The following FRMPD1 variants were observed in gnomAD, a reference collection of about 807,000 sequenced individuals.
The protein encoded by FRMPD1 is FERM and PDZ domain-containing protein 1.
Under a neutral mutation model 117.8 loss-of-function variants are expected in FRMPD1, and 76 were observed. The ratio of observed to expected loss-of-function variants is 0.65; its 90% CI spans 0.54 to 0.78. The LOEUF (loss-of-function observed/expected upper bound fraction) is 0.78. Ranked by LOEUF, FRMPD1 falls within the 30% of genes least tolerant of loss-of-function variation. The probability of loss-of-function intolerance (pLI) is 0.00; values close to 1 mark genes in which losing one functional copy is unlikely to be tolerated. For missense variants in FRMPD1, 1,786 were observed against 1,964.5 expected (o/e 0.91, Z 1.72); for synonymous variants, 783 against 770.4 (o/e 1.02, Z -0.27).
chr9:37,725,696 C>T (rs1261377244), intron 7 of FRMPD1, among the ~76,000 whole-genome samples: 1 of 152,224 alleles, frequency 6.6e-6, no homozygotes, highest in East Asian at 1.9e-4. Context: ...GCTTCCTGGG[C>T]ACTTTCTTGT....
chr9:37,638,320 G>A, the FRMPD1 span, among the ~76,000 whole-genome samples: 3 of 152,122 alleles, frequency 2.0e-5, no homozygotes, highest in Admixed American at 6.5e-5. Flanking sequence ...TGATCTGCCC[G>A]CTTCGGCCTT....
Position 37,740,045 on chromosome 9 carries a change from G to A in FRMPD1, c.1550-33G>A, listed in dbSNP as rs747240943. On this transcript the variant is annotated intron_variant, in intron 14 of 15. Coordinates refer to ENST00000377765, the MANE Select transcript of FRMPD1 (RefSeq NM_014907.3). This position sits in a 1 kb window ranked among gnomAD's most constrained non-coding sequence, Gnocchi z 4.2. ...AAGGACACATAGGTAGGAGAATTCTGTTGTGTAACTGTTGCTGTACCCTGT... is the reference window on the plus strand; with the variant it reads ...AAGGACACATAGGTAGGAGAATTCTATTGTGTAACTGTTGCTGTACCCTGT... 19 of 1,453,248 alleles carry A rather than the reference G, an allele frequency of 1.3e-5. No individual in the cohort carries two copies. The highest frequency in any genetic ancestry group is 1.1e-4 in the East Asian group (5 of 43,934). The allele number at this position is 1,453,248 out of a possible 1,614,324, so 90.0% of individuals were successfully genotyped here.
intron 5 of FRMPD1, among the ~76,000 whole-genome samples, chr9:37,717,505 G>A (rs112904728): frequency 2.0e-4 from 30 of 150,798 alleles, no homozygotes; most frequent in East Asian, 2.0e-3. Context: ...TCAGCCCCCC[G>A]AGTAGCTAGG....
intron 2 of FRMPD1, among the ~76,000 whole-genome samples, chr9:37,704,534 A>C (rs1013009408): frequency 3.9e-5 from 6 of 152,050 alleles, no homozygotes; most frequent in African/African-American, 1.4e-4. Flanking sequence ...CCAATTTGAA[A>C]CCTGCTTCCC....
chr9:37,745,922 G>T lies in FRMPD1; in HGVS notation c.3890G>T (p.Cys1297Phe). ...CTTTCTGCTGAGAAGTCTTTTCTGT[G>T]CTTTGCCCCAGAAAGCCATCCTGAA... Reference protein sequence around the residue: ...ICLSAEKSFLCFAPESHPEVS... With the variant: ...ICLSAEKSFLFFAPESHPEVS... The change falls in exon 16 of 16, where the codon TGC becomes TTC. Residue 1297 changes from cysteine to phenylalanine, a missense_variant. Cys to Phe is a radical substitution (Grantham distance 205). Coordinates refer to ENST00000377765, the MANE Select transcript of FRMPD1 (RefSeq NM_014907.3). 1 of 1,614,232 alleles carries T rather than the reference G, an allele frequency of 6.2e-7. No homozygotes were observed. Among genetic ancestry groups the T allele is most frequent in the Non-Finnish European group, 8.5e-7 (1 of 1,180,032 alleles).
At chr9:37,705,092 A>T (rs1055681238) in intron 2 of FRMPD1, among the ~76,000 whole-genome samples, 3 of 151,802 alleles carry the variant, frequency 2.0e-5, no homozygotes, top group Non-Finnish European at 4.4e-5. Flanking sequence ...GAATTGTTTG[A>T]TCCTTTTTGT....
At chr9:37,676,707 G>A (rs1195495230) in intron 1 of FRMPD1, among the ~76,000 whole-genome samples, 4 of 152,196 alleles carry the variant, frequency 2.6e-5, no homozygotes, top group Non-Finnish European at 5.9e-5. Context: ...TGATTGGCAG[G>A]CGGCATCTGG....
upstream of FRMPD1, among the ~76,000 whole-genome samples, chr9:37,650,386 G>A (rs1820628073): frequency 6.6e-6 from 1 of 152,120 alleles, no homozygotes; most frequent in Non-Finnish European, 1.5e-5. Flanking sequence ...GGAGAGGGCC[G>A]AGGAAAGCTA....
chr9:37,707,395 T>A, intron 2 of FRMPD1, 21 bp from the exon 3 acceptor site: 1 of 1,608,654 alleles, frequency 6.2e-7, no homozygotes, highest in Non-Finnish European at 8.5e-7. Flanking sequence ...TTCTCTTTTT[T>A]ACATACTCCT....
intron 1 of FRMPD1, chr9:37,668,725 A>C (rs912189134): frequency 2.6e-5 from 4 of 152,146 alleles, no homozygotes; most frequent in African/African-American, 9.7e-5. Context: ...TCCACGGTAT[A>C]TTTGTTCTTG....
At chr9:37,607,537 C>A in the FRMPD1 span, among the ~76,000 whole-genome samples, 1 of 152,172 alleles carries the variant, frequency 6.6e-6, no homozygotes, top group African/African-American at 2.4e-5. Context: ...GGTTGTGTTG[C>A]CATTGCTAAA....
intron 5 of FRMPD1, among the ~76,000 whole-genome samples, chr9:37,716,875 C>T (rs1484203881): frequency 1.3e-5 from 2 of 152,160 alleles, no homozygotes; most frequent in Non-Finnish European, 2.9e-5. Context: ...CCCCCAAATT[C>T]TTGCTGCCTG....
At chr9:37,697,458 T>G (rs1822363074) in intron 2 of FRMPD1, among the ~76,000 whole-genome samples, 2 of 151,352 alleles carry the variant, frequency 1.3e-5, no homozygotes. Flanking sequence ...TCCCAGCTAC[T>G]CAGGAGGCTG....
chr9:37,720,237 C>A (rs1331699985), intron 6 of FRMPD1, among the ~76,000 whole-genome samples: 1 of 152,200 alleles, frequency 6.6e-6, no homozygotes, highest in Non-Finnish European at 1.5e-5. Flanking sequence ...TGTCAGTTGG[C>A]AATATTTGAG....
intron 5 of FRMPD1, among the ~76,000 whole-genome samples, chr9:37,716,433 G>A (rs940691455): frequency 6.6e-6 from 1 of 152,216 alleles, no homozygotes; most frequent in African/African-American, 2.4e-5. Context: ...TATTTGTACA[G>A]TTGACAGCTG....
intron 5 of FRMPD1, among the ~76,000 whole-genome samples, chr9:37,716,616 C>G (rs1823131583): frequency 6.6e-6 from 1 of 152,148 alleles, no homozygotes; most frequent in African/African-American, 2.4e-5. Flanking sequence ...CTGCAGATTC[C>G]TTTTCTCTCT....
At chr9:37,667,594 C>T (rs1821204497) in intron 1 of FRMPD1, among the ~76,000 whole-genome samples, 1 of 151,002 alleles carries the variant, frequency 6.6e-6, no homozygotes, top group Non-Finnish European at 1.5e-5. Context: ...ACAAGAATTG[C>T]TTGAACCCGG....
At chr9:37,712,239 A>G (rs1822933725) in intron 5 of FRMPD1, among the ~76,000 whole-genome samples, 1 of 152,228 alleles carries the variant, frequency 6.6e-6, no homozygotes. Flanking sequence ...TCAATTAAAA[A>G]CCATTCAGCC....
At chr9:37,707,272 G>A in intron 2 of FRMPD1, 144 bp from the exon 3 acceptor site, 2 of 612,598 alleles carry the variant, frequency 3.3e-6, no homozygotes, top group Non-Finnish European at 5.7e-6. Flanking sequence ...TCTGCTAGTG[G>A]AGTTGGTGTC....
Sources: allele counts gnomAD v4.1 joint callset (sites outside exome capture counted in the v4.1 genomes callset), GRCh38; gene constraint gnomAD v4.1.1; non-coding constraint Gnocchi (gnomAD v3.1); transcripts MANE v1.5; gene names NCBI Gene and HGNC (gene_info 2026-07-23, HGNC 2026-07-21).